The following SYTL5 variants were observed in gnomAD, a reference collection of about 807,000 sequenced individuals.
SYTL5 encodes synaptotagmin like 5.
Under a neutral mutation model 55.9 loss-of-function variants are expected in SYTL5, and 34 were observed. The ratio of observed to expected loss-of-function variants is 0.61; its 90% CI spans 0.46 to 0.81. SYTL5 has a LOEUF of 0.81. Among genes scored for constraint, SYTL5 ranks in the 30% least tolerant of loss-of-function variants. The probability of loss-of-function intolerance (pLI) is 0.00; values close to 1 mark genes in which losing one functional copy is unlikely to be tolerated. For synonymous variants in SYTL5, 221 were observed against 188.7 expected (o/e 1.17, Z -1.40); for missense variants, 637 against 546.7 (o/e 1.17, Z -1.65).
intron 15 of SYTL5, among the ~76,000 whole-genome samples, chrX:38,124,634 T>G (rs1937607858): frequency 9.0e-6 from 1 of 110,936 alleles, no homozygotes; most frequent in African/African-American, 3.3e-5. Flanking sequence ...GTGGAGAAAA[T>G]GAAACAAGGA....
intron 2 of SYTL5, among the ~76,000 whole-genome samples, chrX:38,052,674 C>A (rs1162037924): frequency 1.8e-5 from 2 of 112,063 alleles, no homozygotes; most frequent in African/African-American, 6.5e-5. Context: ...GGATCCTGAG[C>A]AGTATATACA....
chrX:38,012,379 A>G (rs1761568096), intron 1 of SYTL5, among the ~76,000 whole-genome samples: 1 of 112,177 alleles, frequency 8.9e-6, no homozygotes, highest in Admixed American at 9.5e-5. Context: ...TTAAACAACC[A>G]TTTAACATTG....
chrX:37,911,141 A>C, the SYTL5 span, among the ~76,000 whole-genome samples: 1 of 108,191 alleles, frequency 9.2e-6, no homozygotes, highest in East Asian at 2.9e-4. Flanking sequence ...AATTTTTTAA[A>C]AAATATTTTT....
intron 1 of SYTL5, among the ~76,000 whole-genome samples, chrX:38,028,895 G>A (rs769437105): frequency 2.9e-4 from 32 of 111,538 alleles, no homozygotes; most frequent in African/African-American, 9.1e-4. Flanking sequence ...AAAGCAATTT[G>A]ATTACCTCGG....
the SYTL5 span, among the ~76,000 whole-genome samples, chrX:37,903,849 G>A: frequency 7.5e-4 from 83 of 111,124 alleles, no homozygotes; most frequent in African/African-American, 2.7e-3. Flanking sequence ...ACCACCTCCT[G>A]CCTCCTCCAT....
intron 10 of SYTL5, among the ~76,000 whole-genome samples, chrX:38,103,409 A>G (rs1602399262): frequency 9.0e-6 from 1 of 111,420 alleles, no homozygotes; most frequent in Non-Finnish European, 1.9e-5. Context: ...TAGTAGTAAA[A>G]TTGCCATAGG....
At chrX:37,898,675 T>G in the SYTL5 span, among the ~76,000 whole-genome samples, 1 of 112,430 alleles carries the variant, frequency 8.9e-6, no homozygotes, top group Non-Finnish European at 1.9e-5. Context: ...TTTCCATTTA[T>G]TTTATATCCT....
the SYTL5 span, among the ~76,000 whole-genome samples, chrX:37,940,405 T>C: frequency 9.5e-6 from 1 of 105,144 alleles, no homozygotes; most frequent in Non-Finnish European, 1.9e-5. Flanking sequence ...AGGGTTCCCA[T>C]GGGAGACGGA....
intron 2 of SYTL5, among the ~76,000 whole-genome samples, chrX:38,044,876 G>A (rs185207195): frequency 8.9e-6 from 1 of 111,922 alleles, no homozygotes; most frequent in African/African-American, 3.2e-5. Flanking sequence ...TTCCATGTGG[G>A]AGACTTGGTT....
chrX:38,102,087 A>C (rs1937100604), intron 9 of SYTL5, among the ~76,000 whole-genome samples: 1 of 110,380 alleles, frequency 9.1e-6, no homozygotes, highest in South Asian at 3.9e-4. Flanking sequence ...ATGATTCCAA[A>C]TTTCATGTTC....
the SYTL5 span, among the ~76,000 whole-genome samples, chrX:37,983,084 C>T: frequency 9.0e-6 from 1 of 110,952 alleles, no homozygotes; most frequent in Non-Finnish European, 1.9e-5. Flanking sequence ...AGAAAATATT[C>T]ATTTAATGCA....
chrX:38,126,489 T>C (rs758572094), intron 16 of SYTL5, 99 bp from the exon 17 acceptor site: 3 of 854,814 alleles, frequency 3.5e-6, no homozygotes, highest in East Asian at 6.4e-5. Context: ...CAGTAAAAGG[T>C]ACTCTGGTGA....
At chrX:38,004,746 G>A (rs915563149), upstream of SYTL5, among the ~76,000 whole-genome samples, 1 of 111,263 alleles carries the variant, frequency 9.0e-6, no homozygotes, top group Non-Finnish European at 1.9e-5. Context: ...CATGGAGATA[G>A]AGAGTAGAAA....
the SYTL5 span, among the ~76,000 whole-genome samples, chrX:38,000,100 G>A: frequency 1.8e-5 from 2 of 111,782 alleles, no homozygotes; most frequent in African/African-American, 6.5e-5. Context: ...ACTCACTCTC[G>A]AGAACTTTCA....
At chrX:37,996,422 C>CA in the SYTL5 span, among the ~76,000 whole-genome samples, 7 of 112,375 alleles carry the variant, frequency 6.2e-5, no homozygotes, top group East Asian at 2.0e-3. Context: ...GGCCTGTATC[C>CA]TGTGGTCAGG....
chrX:38,094,171 C>A, intron 7 of SYTL5, 124 bp from the exon 8 acceptor site: 1 of 604,276 alleles, frequency 1.7e-6, no homozygotes, highest in Non-Finnish European at 2.4e-6. Flanking sequence ...CTTCAAATGT[C>A]AATTAGCTCC....
rs1602324220 is a variant in SYTL5, at chrX:38,033,650, C to T, written c.-240C>T. On this transcript the variant is annotated 5_prime_UTR_variant, in exon 2 of 17. Transcript: ENST00000297875. The stretch of plus-strand genomic sequence containing the variant: ...TATACCACAGCAAAGGCTTTGGAAA[C>T]ATTTTTCAGTTAAAACAATAATGAC... 5.0e-6 allele frequency: 1 copy of T among 200,380 alleles called. No individual in the cohort carries two copies. Among genetic ancestry groups the T allele is most frequent in the East Asian group, 8.8e-5 (1 of 11,360 alleles). The allele number at this position is 200,380 out of a possible 1,213,427, so 16.5% of individuals were successfully genotyped here.
the SYTL5 span, chrX:37,990,933 G>A: frequency 5.0e-6 from 6 of 1,210,015 alleles, no homozygotes; most frequent in Admixed American, 2.2e-5. Context: ...TAGGAGCTTC[G>A]TGGACCGCGT....
At position 38,106,629 on chromosome X, in the gene SYTL5, A is replaced by T. The variant is rs1403828157; in HGVS notation, c.1192A>T (p.Thr398Ser). ...LNSMMSVYSE[T>S]GDYGNVKVSG... ...CAGCATGATGAGCGTTTACAGTGAA[A>T]CGGGAGACTATGGCAACGTGAAAGT... The change falls in exon 11 of 17, where the codon ACG becomes TCG. Residue 398 changes from threonine (T) to serine (S), a missense_variant. By Grantham distance (58) the Thr-to-Ser change is moderately conservative. Transcript: ENST00000297875. 4.1e-6 allele frequency: 5 copies of T among 1,208,293 alleles called. No homozygotes were observed. Among genetic ancestry groups the T allele is most frequent in the Non-Finnish European group, 5.6e-6 (5 of 894,120 alleles).
Sources: allele counts gnomAD v4.1 joint callset (sites outside exome capture counted in the v4.1 genomes callset), GRCh38; gene constraint gnomAD v4.1.1; transcripts MANE v1.5; gene names NCBI Gene and HGNC (gene_info 2026-07-23, HGNC 2026-07-21).